Variants in CTNNA2 observed in about 807,000 individuals in gnomAD.
CTNNA2 encodes catenin alpha-2.
CTNNA2 carries 42 observed loss-of-function variants against 101.0 expected under a neutral mutation model. The ratio of observed to expected loss-of-function variants is 0.42; its 90% CI spans 0.32 to 0.54. The LOEUF is 0.54. CTNNA2 is among the 20% of genes least tolerant of loss of function. CTNNA2 has a pLI of 0.14. For synonymous variants in CTNNA2, 450 were observed against 456.4 expected (o/e 0.99, Z 0.18); for missense variants, 871 against 1,223.1 (o/e 0.71, Z 4.29).
chr2:80,582,388 T>C (rs573571033), intron 14 of CTNNA2, among the ~76,000 whole-genome samples: 14 of 152,284 alleles, frequency 9.2e-5, no homozygotes, highest in Non-Finnish European at 1.5e-4. Flanking sequence ...TATTCCTAGA[T>C]CTGTCTGCCA....
At chr2:80,258,652 A>G (rs928199809) in intron 7 of CTNNA2, among the ~76,000 whole-genome samples, 1 of 152,150 alleles carries the variant, frequency 6.6e-6, no homozygotes, top group African/African-American at 2.4e-5. Flanking sequence ...GCAATTCTGC[A>G]TGTTTGAGAA....
intron 4 of CTNNA2, among the ~76,000 whole-genome samples, chr2:79,416,709 C>G (rs556177559): frequency 5.8e-4 from 88 of 152,134 alleles, no homozygotes; most frequent in African/African-American, 2.0e-3. Context: ...TTTAACAGTT[C>G]CCCGAGAGCA....
At chr2:80,035,482 T>C (rs981301777) in intron 7 of CTNNA2, among the ~76,000 whole-genome samples, 2 of 152,212 alleles carry the variant, frequency 1.3e-5, no homozygotes, top group Non-Finnish European at 2.9e-5. Flanking sequence ...TATAAACTTA[T>C]AAACTTTAGA....
intron 1 of CTNNA2, among the ~76,000 whole-genome samples, chr2:79,609,592 A>G (rs1678131165): frequency 6.6e-6 from 1 of 152,258 alleles, no homozygotes; most frequent in African/African-American, 2.4e-5. Context: ...GTTGACATCA[A>G]GCTAGACAAA....
chr2:79,523,103 T>G (rs1672208268), intron 1 of CTNNA2: 1 of 299,994 alleles, frequency 3.3e-6, no homozygotes. Context: ...ACTAAATATA[T>G]CTAAGCGTTT....
chr2:79,630,098 T>G (rs555255863), intron 1 of CTNNA2, among the ~76,000 whole-genome samples: 36 of 152,320 alleles, frequency 2.4e-4, no homozygotes, highest in African/African-American at 7.7e-4. Context: ...GTCTTAACCT[T>G]GCTCACACTT....
chr2:79,203,717 CT>C (rs1273599164), intron 2 of CTNNA2, among the ~76,000 whole-genome samples: 1 of 152,194 alleles, frequency 6.6e-6, no homozygotes, highest in African/African-American at 2.4e-5. Flanking sequence ...TCAGGGCCGC[CT>C]TTTCTTTGTC....
intron 9 of CTNNA2, among the ~76,000 whole-genome samples, chr2:80,508,469 G>T (rs1406026642): frequency 1.3e-5 from 2 of 152,098 alleles, no homozygotes; most frequent in Non-Finnish European, 2.9e-5. Context: ...GGACAACAGA[G>T]CCAGACTGTC....
intron 7 of CTNNA2, among the ~76,000 whole-genome samples, chr2:80,070,870 A>C (rs1158472505): frequency 6.6e-6 from 1 of 152,228 alleles, no homozygotes; most frequent in East Asian, 1.9e-4. Context: ...ATATAACTCC[A>C]GTCTCTGCCC....
chr2:80,411,501 T>C (rs951805271), intron 8 of CTNNA2, among the ~76,000 whole-genome samples: 5 of 152,108 alleles, frequency 3.3e-5, no homozygotes, highest in African/African-American at 4.8e-5. Context: ...TACTATATCA[T>C]GGGTGGGGAA....
At chr2:80,087,399 G>A (rs1487901983) in intron 7 of CTNNA2, among the ~76,000 whole-genome samples, 2 of 152,028 alleles carry the variant, frequency 1.3e-5, no homozygotes, top group African/African-American at 2.4e-5. Flanking sequence ...AGAAACTGAG[G>A]TCCAAGCTAG....
chr2:80,639,524 TG>T (rs1673235817), intron 18 of CTNNA2, among the ~76,000 whole-genome samples: 2 of 151,536 alleles, frequency 1.3e-5, no homozygotes, highest in Non-Finnish European at 2.9e-5. Flanking sequence ...TGTGTGTGTG[TG>T]TGTGTGTGTG....
intron 7 of CTNNA2, among the ~76,000 whole-genome samples, chr2:80,250,177 TGG>T (rs1491261677): frequency 7.5e-6 from 1 of 132,558 alleles, no homozygotes; most frequent in African/African-American, 2.9e-5. Context: ...GATACATGGA[TGG>T]GGGGAGAGAG....
intron 6 of CTNNA2, among the ~76,000 whole-genome samples, chr2:79,906,431 C>T (rs1402651877): frequency 6.6e-6 from 1 of 152,176 alleles, no homozygotes; most frequent in African/African-American, 2.4e-5. Context: ...AGCGGCTTCT[C>T]CCTGCTGCTT....
Position 80,351,520 on chromosome 2 carries a change from G to A in CTNNA2, c.1057-41691G>A, listed in dbSNP as rs1040348831. ...GAAGACCATGTTTGACTTCAATGCTGCCCGATTGGTGAATTATATTTTTAG... is the reference window on the plus strand; with the variant it reads ...GAAGACCATGTTTGACTTCAATGCTACCCGATTGGTGAATTATATTTTTAG... On this transcript the variant is annotated intron_variant, in intron 7 of 18. Coordinates refer to ENST00000402739, the MANE Select transcript of CTNNA2 (RefSeq NM_001282597.3). Among the ~76,000 whole-genome samples, 38 of 152,106 alleles carry A rather than the reference G, an allele frequency of 2.5e-4. 1 individual carries two copies. The highest frequency in any genetic ancestry group is 3.2e-3 in the Middle Eastern group (1 of 316).
At chr2:80,549,555 A>G (rs1262199209) in intron 11 of CTNNA2, among the ~76,000 whole-genome samples, 3 of 152,194 alleles carry the variant, frequency 2.0e-5, no homozygotes, top group Non-Finnish European at 4.4e-5. Flanking sequence ...GTTTCATGAC[A>G]TGTTTAAATA....
At chr2:79,634,235 T>C (rs1338647231) in intron 1 of CTNNA2, among the ~76,000 whole-genome samples, 1 of 152,204 alleles carries the variant, frequency 6.6e-6, no homozygotes, top group Non-Finnish European at 1.5e-5. Context: ...CAAGAGACCT[T>C]ATGCTTATCA....
At chr2:80,400,061 C>T (rs1427225883) in intron 8 of CTNNA2, among the ~76,000 whole-genome samples, 1 of 152,182 alleles carries the variant, frequency 6.6e-6, no homozygotes. Flanking sequence ...TGTGGTGCAT[C>T]TACCATTATG....
intron 9 of CTNNA2, among the ~76,000 whole-genome samples, chr2:80,484,753 TC>T (rs1686416110): frequency 1.3e-5 from 2 of 152,270 alleles, no homozygotes; most frequent in South Asian, 4.1e-4. Flanking sequence ...ACACCTGTAA[TC>T]CCAGCACTTT....
Sources: gnomAD v4.1 joint callset for allele counts (sites outside exome capture counted in the v4.1 genomes callset) on GRCh38, gnomAD v4.1.1 for gene constraint, MANE v1.5 for transcripts, NCBI Gene and HGNC (gene_info 2026-07-23, HGNC 2026-07-21) for gene names.